LFNG: variants seen among roughly 807,000 people sequenced by gnomAD.
LFNG encodes the protein LFNG O-fucosylpeptide 3-beta-N-acetylglucosaminyltransferase.
A neutral mutation model predicts 32.7 loss-of-function variants in LFNG; 15 were observed. The ratio of observed to expected loss-of-function variants is 0.46; its 90% CI spans 0.31 to 0.71. The LOEUF (loss-of-function observed/expected upper bound fraction) is 0.71. Ranked by LOEUF, LFNG falls within the 30% of genes least tolerant of loss-of-function variation. The probability of loss-of-function intolerance (pLI) is 0.06; values close to 1 mark genes in which losing one functional copy is unlikely to be tolerated. For missense variants in LFNG, 520 were observed against 545.7 expected, an observed-to-expected ratio of 0.95 and a Z score of 0.47; for synonymous variants, 274 against 246.8, an observed-to-expected ratio of 1.11 and a Z score of -1.03.
At chr7:2,524,889 C>G (rs768490236) in intron 2 of LFNG, 146 bp downstream of exon 2, 2 of 748,360 alleles carry the variant, frequency 2.7e-6, no homozygotes, top group Admixed American at 4.7e-5. Flanking sequence ...TGCTCCATGC[C>G]CCGCCCCACC....
intron 1 of LFNG, among the ~76,000 whole-genome samples, chr7:2,521,996 C>T (rs1258069593): frequency 6.6e-6 from 1 of 152,170 alleles, no homozygotes; most frequent in Non-Finnish European, 1.5e-5. Context: ...TTCACCAGCA[C>T]ACAGCAAGCA....
At chr7:2,524,618 G>T (rs998827219) in intron 1 of LFNG, 77 bp from the exon 2 acceptor site, 4 of 1,371,498 alleles carry the variant, frequency 2.9e-6, no homozygotes, top group Non-Finnish European at 4.1e-6. Flanking sequence ...ACTCCAGGGC[G>T]CCCCGTCCGG....
chr7:2,516,998 C>A (rs966196231), upstream of LFNG, among the ~76,000 whole-genome samples: 2 of 152,104 alleles, frequency 1.3e-5, no homozygotes, highest in Admixed American at 6.5e-5. Flanking sequence ...AGAGGCTTCA[C>A]TGGCAACTCG....
At position 2,525,244 on chromosome 7, in the gene LFNG, G is replaced by A. The variant is rs780015098; in HGVS notation, c.507G>A (p.Ser169=). The change falls in exon 3 of 8, where the codon TCG becomes TCA. Residue 169 remains serine (S), a synonymous_variant. Coordinates refer to ENST00000222725, the MANE Select transcript of LFNG (RefSeq NM_001040167.2). ...GCAACGTGGTCATCACAAACTGCTC[G>A]GCCGCCCACAGCCGCCAGGCGCTGT... is the stretch of plus-strand genomic sequence containing the variant. ...HTGNVVITNC[S]AAHSRQALSC... is the part of the protein sequence containing the mutation. 34 of 1,612,784 alleles carry A rather than the reference G, an allele frequency of 2.1e-5. No individual in the cohort carries two copies. Among genetic ancestry groups the A allele is most frequent in the Non-Finnish European group, 2.7e-5 (32 of 1,179,902 alleles).
downstream of LFNG, chr7:2,528,763 C>T (rs533881870): frequency 3.3e-5 from 21 of 643,984 alleles, no homozygotes; most frequent in Non-Finnish European, 5.7e-5. Flanking sequence ...ACTGGGGAGC[C>T]CAGCCCCTGC....
At position 2,527,223 on chromosome 7, in the gene LFNG, T is replaced by G. The variant is rs1780014440; in HGVS notation, c.*11T>G. On this transcript the variant is annotated 3_prime_UTR_variant, in exon 8 of 8. Coordinates refer to ENST00000222725, the MANE Select transcript of LFNG (RefSeq NM_001040167.2). The surrounding 1 kb of genome is among the most constrained non-coding windows in gnomAD (Gnocchi z 4.4). ...ACTGCCATCTTCTAGTGGCCATGGC[T>G]GAGACCCAATCCCTGGGCGCCCCTG... 1.9e-6 allele frequency: 3 copies of G among 1,612,004 alleles called. No individual in the cohort carries two copies. The highest frequency in any genetic ancestry group is 1.7e-6 in the Non-Finnish European group (2 of 1,179,932).
At position 2,520,390 on chromosome 7, in the gene LFNG, C is replaced by A; in HGVS notation, c.432+97C>A. 8.8e-7 allele frequency: 1 copy of A among 1,140,002 alleles called. No individual in the cohort carries two copies. The allele number at this position is 1,140,002 out of a possible 1,614,324, so 70.6% of individuals were successfully genotyped here. A position where few individuals can be genotyped will look rare whatever the true frequency, so the allele number is the denominator to read the frequency against. Reference sequence around the variant, plus strand: ...TGTCCCATGGGAGTCAGGCTGCATCCCCATCCAGCCACTAGGGCCATCTGT... The same window carrying A: ...TGTCCCATGGGAGTCAGGCTGCATCACCATCCAGCCACTAGGGCCATCTGT... On this transcript the variant is annotated intron_variant, in intron 1 of 7. Transcript: ENST00000222725. The surrounding 1 kb of genome is among the most constrained non-coding windows in gnomAD (Gnocchi z 5.0).
chr7:2,518,016 T>C, upstream of LFNG: 1 of 726,984 alleles, frequency 1.4e-6, no homozygotes, highest in Non-Finnish European at 1.8e-6. Flanking sequence ...TGGGGATGGA[T>C]GAGGCTCCGT....
chr7:2,521,627 G>A (rs1328623396), intron 1 of LFNG, among the ~76,000 whole-genome samples: 2 of 152,118 alleles, frequency 1.3e-5, no homozygotes, highest in African/African-American at 4.8e-5. Context: ...CAGCACTCAA[G>A]CCTTACTGCT....
chr7:2,515,500 C>T (rs1779607878), upstream of LFNG, among the ~76,000 whole-genome samples: 1 of 152,212 alleles, frequency 6.6e-6, no homozygotes, highest in Non-Finnish European at 1.5e-5. Context: ...CAGGGTGCCT[C>T]AGGCCAGGAT....
At chr7:2,519,761 C>T, upstream of LFNG, 4 of 657,844 alleles carry the variant, frequency 6.1e-6, no homozygotes, top group Non-Finnish European at 7.6e-6. Context: ...GCGCGGGACA[C>T]TGGTGCTGCG....
In LFNG at chr7:2,520,258, C is replaced by G. The variant is rs781616350; in HGVS notation, c.397C>G (p.Leu133Val). Residue 133 changes from leucine to valine, a missense_variant, in exon 1 of 8, where the codon CTG (leucine) becomes GTG (valine). Leu to Val is a conservative substitution (Grantham distance 32, BLOSUM62 1). This residue lies in a region of LFNG where 360 missense variants were observed against 354.7 expected (regional missense o/e 1.01). Coordinates refer to ENST00000222725, the MANE Select transcript of LFNG (RefSeq NM_001040167.2). The surrounding 1 kb of genome is among the most constrained non-coding windows in gnomAD (Gnocchi z 5.0). ...KKFHRARLDL[L>V]LETWISRHKE... ...GTTCCACCGCGCGCGCCTCGACCTG[C>G]TGCTGGAGACCTGGATCTCGCGCCA... 6 of 1,610,450 alleles carry G rather than the reference C, an allele frequency of 3.7e-6. No homozygotes were observed. The South Asian group carries it at 4.4e-5, about 12-fold the overall frequency.
Position 2,525,274 on chromosome 7 carries a change from C to T in LFNG, c.537C>T (p.Cys179=), listed in dbSNP as rs1238837458. 3 of 1,612,930 alleles carry T rather than the reference C, an allele frequency of 1.9e-6. No individual in the cohort carries two copies. Among genetic ancestry groups the T allele is most frequent in the Admixed American group, 1.7e-5 (1 of 60,006 alleles). The change falls in exon 3 of 8, where the codon TGC becomes TGT. Residue 179 remains cysteine (C), a synonymous_variant. Transcript: ENST00000222725. ...CCCACAGCCGCCAGGCGCTGTCCTG[C>T]AAGATGGCCGTGGAGTATGACCGCT... ...SAAHSRQALS[C]KMAVEYDRFI... is the part of the protein sequence containing the mutation.
chr7:2,528,836 C>G (rs947265677), downstream of LFNG: 4 of 616,462 alleles, frequency 6.5e-6, no homozygotes, highest in Admixed American at 8.7e-5. Context: ...ACTCCTGCCA[C>G]GAGCTCACAG....
chr7:2,524,766 G>A, intron 2 of LFNG, 23 bp downstream of exon 2: 1 of 1,569,262 alleles, frequency 6.4e-7, no homozygotes, highest in Non-Finnish European at 8.7e-7. Flanking sequence ...CTTGGGGCGG[G>A]AGGGGGCCCA....
chr7:2,526,191 C>T lies in LFNG; in HGVS notation c.822-53C>T. The T allele has an allele frequency of 1.2e-6, 2 of 1,601,398 alleles. No individual in the cohort carries two copies. The highest frequency in any genetic ancestry group is 2.2e-5 in the East Asian group (1 of 44,810). ...TTGCCTGGTGGGGCCTCCCCAGCTCCCAGCAGATGGCTCCCGCCTCTGCTC... is the reference window on the plus strand; with the variant it reads ...TTGCCTGGTGGGGCCTCCCCAGCTCTCAGCAGATGGCTCCCGCCTCTGCTC... On this transcript the variant is annotated intron_variant, in intron 5 of 7. Coordinates refer to ENST00000222725, the MANE Select transcript of LFNG (RefSeq NM_001040167.2). This position sits in a 1 kb window ranked among gnomAD's most constrained non-coding sequence, Gnocchi z 6.9.
chr7:2,516,126 T>A (rs1779621570), upstream of LFNG, among the ~76,000 whole-genome samples: 1 of 152,230 alleles, frequency 6.6e-6, no homozygotes, highest in Non-Finnish European at 1.5e-5. Context: ...TTCCTGCGTC[T>A]GTGTCAGGAG....
rs1779978740 is a variant in LFNG, at chr7:2,526,455, G to A, written c.987+46G>A. The A allele has an allele frequency of 1.9e-6, 3 of 1,596,290 alleles. No homozygotes were observed. Among genetic ancestry groups the A allele is most frequent in the Non-Finnish European group, 2.6e-6 (3 of 1,176,270 alleles). Reference sequence around the variant, plus strand: ...CGCCAGGACTCCGAGAGCACAGGAAGGGACGTGTGGCTGCCGAGAGGGGCG... The same window carrying A: ...CGCCAGGACTCCGAGAGCACAGGAAAGGACGTGTGGCTGCCGAGAGGGGCG... On this transcript the variant is annotated intron_variant, in intron 6 of 7. Coordinates refer to ENST00000222725, the MANE Select transcript of LFNG (RefSeq NM_001040167.2). This position sits in a 1 kb window ranked among gnomAD's most constrained non-coding sequence, Gnocchi z 6.9.
At position 2,527,126 on chromosome 7, in the gene LFNG, C is replaced by G. The variant is rs1246945847; in HGVS notation, c.1074-20C>G. ...CCTGCCTGCCACCCACGCAGACCAG[C>G]CCCTGCTCTGTTCCCACAGGTTCCG... On this transcript the variant is annotated intron_variant, in intron 7 of 7. Coordinates refer to ENST00000222725, the MANE Select transcript of LFNG (RefSeq NM_001040167.2). This position sits in a 1 kb window ranked among gnomAD's most constrained non-coding sequence, Gnocchi z 4.4. 1 of 1,607,732 alleles carries G rather than the reference C, an allele frequency of 6.2e-7. No homozygotes were observed. Among genetic ancestry groups the G allele is most frequent in the Non-Finnish European group, 8.5e-7 (1 of 1,175,850 alleles).
Sources: gnomAD v4.1 joint callset for allele counts (sites outside exome capture counted in the v4.1 genomes callset) on GRCh38, gnomAD v4.1.1 for gene constraint, gnomAD v4.1.1 regional missense constraint, Gnocchi (gnomAD v3.1) non-coding constraint, MANE v1.5 for transcripts, NCBI Gene and HGNC (gene_info 2026-07-23, HGNC 2026-07-21) for gene names.